Variants in ZNF106 observed in about 807,000 individuals in gnomAD.
ZNF106 encodes zinc finger protein 106.
A neutral mutation model predicts 195.1 loss-of-function variants in ZNF106; 67 were observed. The observed-to-expected ratio is 0.34, with a 90% CI of 0.28 to 0.42. ZNF106 has a LOEUF of 0.42. Ranked by LOEUF, ZNF106 falls within the 10% of genes least tolerant of loss-of-function variation. ZNF106 has a pLI of 1.00. For missense variants in ZNF106, 2,118 were observed against 2,304.5 expected, an observed-to-expected ratio of 0.92 and a Z score of 1.66; for synonymous variants, 784 against 818.6, an observed-to-expected ratio of 0.96 and a Z score of 0.72.
At chr15:42,429,659 A>C (rs2054984819) in intron 14 of ZNF106, among the ~76,000 whole-genome samples, 1 of 152,026 alleles carries the variant, frequency 6.6e-6, no homozygotes, top group Non-Finnish European at 1.5e-5. Context: ...AAAAATCACA[A>C]ACATAAGTGC....
intron 15 of ZNF106, chr15:42,425,508 CT>C (rs113757634): frequency 5.2e-4 from 78 of 149,808 alleles, no homozygotes; most frequent in Non-Finnish European, 7.5e-4. Flanking sequence ...AAATTCTCCA[CT>C]TTTTTTTTTT....
chr15:42,447,068 C>G (rs1355241077), intron 6 of ZNF106, among the ~76,000 whole-genome samples: 1 of 152,222 alleles, frequency 6.6e-6, no homozygotes, highest in Non-Finnish European at 1.5e-5. Context: ...ATGAGACAAG[C>G]TCTTTGTCAT....
At chr15:42,467,384 G>C (rs2056545077) in intron 2 of ZNF106, among the ~76,000 whole-genome samples, 1 of 152,228 alleles carries the variant, frequency 6.6e-6, no homozygotes, top group African/African-American at 2.4e-5. Context: ...GAGGGAGTAT[G>C]ATTAACTTCA....
intron 12 of ZNF106, among the ~76,000 whole-genome samples, chr15:42,438,324 GA>G (rs2055363739): frequency 6.6e-6 from 1 of 152,200 alleles, no homozygotes; most frequent in Non-Finnish European, 1.5e-5. Flanking sequence ...CTGGGAGGTG[GA>G]AGTTGCAGTG....
chr15:42,457,675 A>C (rs751413271), intron 3 of ZNF106: 27 of 406,614 alleles, frequency 6.6e-5, no homozygotes, highest in South Asian at 1.9e-4. Flanking sequence ...TCTGCCTGGA[A>C]TGTGAGGATT....
intron 15 of ZNF106, among the ~76,000 whole-genome samples, chr15:42,427,439 C>T (rs758810344): frequency 2.6e-5 from 4 of 152,198 alleles, no homozygotes; most frequent in African/African-American, 4.8e-5. Flanking sequence ...GAATTTATCT[C>T]TGGTTTAGGA....
chr15:42,439,028 C>T lies in ZNF106; in HGVS notation c.4544+5G>A, dbSNP rs769835455. ...GTTCTGACTGGACCAATACAATATT[C>T]TTACCTTACAGGGATGCCATCTTTA... On this transcript the variant is annotated splice_donor_5th_base_variant and intron_variant, in intron 11 of 21. Transcript: ENST00000564754. 1 of 1,606,914 alleles carries T rather than the reference C, an allele frequency of 6.2e-7. No homozygotes were observed. The highest frequency in any genetic ancestry group is 8.5e-7 in the Non-Finnish European group (1 of 1,176,604).
At chr15:42,481,262 G>C (rs1304308703) in intron 1 of ZNF106, among the ~76,000 whole-genome samples, 1 of 151,010 alleles carries the variant, frequency 6.6e-6, no homozygotes, top group Admixed American at 6.6e-5. Context: ...ACAGCCTGAA[G>C]AACTTCTTTT....
intron 2 of ZNF106, among the ~76,000 whole-genome samples, chr15:42,470,013 G>A (rs969532656): frequency 6.6e-6 from 1 of 152,078 alleles, no homozygotes; most frequent in Non-Finnish European, 1.5e-5. Flanking sequence ...AGGCTGGGTT[G>A]GTTGGAGGGG....
At chr15:42,456,675 T>C (rs2056236510) in intron 4 of ZNF106, among the ~76,000 whole-genome samples, 1 of 151,820 alleles carries the variant, frequency 6.6e-6, no homozygotes, top group African/African-American at 2.4e-5. Context: ...AAAAAAGATT[T>C]GGATACCAAT....
intron 3 of ZNF106, among the ~76,000 whole-genome samples, chr15:42,460,515 T>C (rs531858008): frequency 1.3e-5 from 2 of 152,294 alleles, no homozygotes; most frequent in East Asian, 3.9e-4. Flanking sequence ...CAAAATTATT[T>C]GACAGAGAAC....
intron 1 of ZNF106, 84 bp from the exon 2 acceptor site, chr15:42,472,405 T>TTA: frequency 1.0e-6 from 1 of 998,676 alleles, no homozygotes; most frequent in Non-Finnish European, 1.4e-6. Context: ...ATTACAAGTC[T>TTA]TATCTTCCTC....
chr15:42,436,926 A>G (rs907663745), intron 13 of ZNF106, among the ~76,000 whole-genome samples: 1 of 152,176 alleles, frequency 6.6e-6, no homozygotes, highest in African/African-American at 2.4e-5. Flanking sequence ...GGAGTAAAAC[A>G]CAGGACCCTT....
intron 6 of ZNF106, among the ~76,000 whole-genome samples, chr15:42,447,469 G>A (rs1396258193): frequency 6.6e-6 from 1 of 152,168 alleles, no homozygotes; most frequent in East Asian, 1.9e-4. Flanking sequence ...TTTTCAGAAA[G>A]GGATACTGAG....
chr15:42,415,731 G>C lies in ZNF106; in HGVS notation c.*1573C>G. On this transcript the variant is annotated 3_prime_UTR_variant, in exon 22 of 22. Coordinates refer to ENST00000564754, the MANE Select transcript of ZNF106 (RefSeq NM_001366845.3). ...CCTCCCCCAATTTTATCTCTCTGAA[G>C]AAGCTGAGTTTTTTTTTTTTTTTTT... 2 of 172,982 alleles carry C rather than the reference G, an allele frequency of 1.2e-5. No individual in the cohort carries two copies. The highest frequency in any genetic ancestry group is 2.4e-5 in the Non-Finnish European group (2 of 83,762). The allele number at this position is 172,982 out of a possible 1,614,324, so 10.7% of individuals were successfully genotyped here.
intron 1 of ZNF106, among the ~76,000 whole-genome samples, chr15:42,477,411 A>G (rs1411804079): frequency 1.3e-5 from 2 of 152,186 alleles, no homozygotes; most frequent in African/African-American, 4.8e-5. Flanking sequence ...AAAAGTGGCA[A>G]AGATAGAGAT....
At chr15:42,426,959 A>C (rs1444056924) in intron 15 of ZNF106, among the ~76,000 whole-genome samples, 1 of 152,080 alleles carries the variant, frequency 6.6e-6, no homozygotes, top group Non-Finnish European at 1.5e-5. Context: ...ACTTGATCTT[A>C]AGTTTCCTGT....
At chr15:42,480,501 T>C (rs2056876899) in intron 1 of ZNF106, among the ~76,000 whole-genome samples, 1 of 152,264 alleles carries the variant, frequency 6.6e-6, no homozygotes, top group African/African-American at 2.4e-5. Context: ...TTAGATCTAC[T>C]ATTTTATTAT....
chr15:42,485,524 TA>T (rs1208464870), intron 1 of ZNF106, among the ~76,000 whole-genome samples: 7 of 152,132 alleles, frequency 4.6e-5, no homozygotes, highest in African/African-American at 1.7e-4. Flanking sequence ...CACCCCGAAG[TA>T]AGTGCCTGAT....
Sources: gnomAD v4.1 joint callset for allele counts (sites outside exome capture counted in the v4.1 genomes callset) on GRCh38, gnomAD v4.1.1 for gene constraint, MANE v1.5 for transcripts, NCBI Gene and HGNC (gene_info 2026-07-23, HGNC 2026-07-21) for gene names.